Variants in GRM1 observed in about 807,000 individuals in gnomAD.
The protein encoded by GRM1 is glutamate metabotropic receptor 1.
Under a neutral mutation model 90.9 loss-of-function variants are expected in GRM1, and 33 were observed. That is an observed-to-expected ratio of 0.36 (90% CI 0.28 to 0.49). The LOEUF (loss-of-function observed/expected upper bound fraction) is 0.49. GRM1 is among the 20% of genes least tolerant of loss of function. The pLI, the probability that GRM1 is intolerant of heterozygous loss-of-function variation, is 0.99. For missense variants in GRM1, 1,190 were observed against 1,534.3 expected (o/e 0.78, Z 3.75); for synonymous variants, 700 against 613.2 (o/e 1.14, Z -2.09).
chr6:146,105,499 C>T (rs1469505143), intron 1 of GRM1, among the ~76,000 whole-genome samples: 1 of 150,018 alleles, frequency 6.7e-6, no homozygotes, highest in Admixed American at 6.6e-5. Context: ...TTTGAATAAA[C>T]TTTGTTCATA....
intron 2 of GRM1, among the ~76,000 whole-genome samples, chr6:146,202,059 C>T (rs539248205): frequency 1.3e-5 from 2 of 152,304 alleles, no homozygotes; most frequent in African/African-American, 4.8e-5. Context: ...ATAAGTGGGA[C>T]TCTGATAGCC....
intron 1 of GRM1, among the ~76,000 whole-genome samples, chr6:146,031,727 A>C (rs1790714779): frequency 6.6e-6 from 1 of 152,152 alleles, no homozygotes; most frequent in Admixed American, 6.5e-5. Context: ...TTAATATTTA[A>C]CTTTACTACA....
At chr6:146,265,473 G>A (rs1016702639) in intron 2 of GRM1, among the ~76,000 whole-genome samples, 1 of 152,144 alleles carries the variant, frequency 6.6e-6, no homozygotes, top group Admixed American at 6.5e-5. Flanking sequence ...CTCCCATTCT[G>A]TAGGTTGTCT....
intron 2 of GRM1, among the ~76,000 whole-genome samples, chr6:146,263,351 C>A (rs1781766707): frequency 6.6e-6 from 1 of 151,756 alleles, no homozygotes; most frequent in Non-Finnish European, 1.5e-5. Flanking sequence ...AGTATGATTG[C>A]AGTTTTGTAA....
intron 2 of GRM1, among the ~76,000 whole-genome samples, chr6:146,294,328 T>C (rs1783100818): frequency 6.6e-6 from 1 of 152,046 alleles, no homozygotes; most frequent in African/African-American, 2.4e-5. Flanking sequence ...ATGACTTCTT[T>C]AACTTCAATT....
At chr6:146,204,125 T>C (rs997920334) in intron 2 of GRM1, among the ~76,000 whole-genome samples, 9 of 152,346 alleles carry the variant, frequency 5.9e-5, no homozygotes, top group Non-Finnish European at 1.0e-4. Context: ...CAGTCTTCTC[T>C]CTAGCTTTAT....
chr6:146,330,004 C>A (rs985237244), intron 3 of GRM1, among the ~76,000 whole-genome samples: 6 of 152,126 alleles, frequency 3.9e-5, no homozygotes, highest in Admixed American at 3.9e-4. Flanking sequence ...TACTGACAGG[C>A]CTAACATGCC....
intron 2 of GRM1, among the ~76,000 whole-genome samples, chr6:146,303,778 G>T (rs926113061): frequency 1.3e-5 from 2 of 152,090 alleles, no homozygotes; most frequent in East Asian, 3.9e-4. Flanking sequence ...CTCATATGTT[G>T]TAATAGTCTT....
chr6:146,163,186 A>G (rs1777798497), intron 2 of GRM1, among the ~76,000 whole-genome samples: 1 of 152,164 alleles, frequency 6.6e-6, no homozygotes, highest in Admixed American at 6.6e-5. Context: ...GGGGAGAATC[A>G]AACCTTTGAC....
intron 1 of GRM1, among the ~76,000 whole-genome samples, chr6:146,109,201 T>C (rs1775446749): frequency 1.3e-5 from 2 of 151,966 alleles, no homozygotes. Context: ...TGTCAGAGGT[T>C]TTTATGGCAG....
At chr6:146,393,547 T>A (rs993701346) in intron 6 of GRM1, among the ~76,000 whole-genome samples, 1 of 152,128 alleles carries the variant, frequency 6.6e-6, no homozygotes, top group African/African-American at 2.4e-5. Flanking sequence ...ATCCCACTTG[T>A]CAATTTTGGC....
At chr6:146,433,782 C>T (rs565477646) in intron 7 of GRM1, 90 bp from the exon 8 acceptor site, 2 of 932,216 alleles carry the variant, frequency 2.1e-6, no homozygotes, top group Admixed American at 3.9e-5. Context: ...AGTTAAATCA[C>T]ACTGAGCTAG....
intron 5 of GRM1, among the ~76,000 whole-genome samples, chr6:146,376,429 C>T (rs1776100807): frequency 6.6e-6 from 1 of 152,084 alleles, no homozygotes; most frequent in Non-Finnish European, 1.5e-5. Flanking sequence ...GATGGAAGTA[C>T]TCCCTTAAGT....
intron 2 of GRM1, among the ~76,000 whole-genome samples, chr6:146,288,278 G>C (rs1192511070): frequency 6.6e-6 from 1 of 152,124 alleles, no homozygotes; most frequent in Non-Finnish European, 1.5e-5. Context: ...GGCAATGCTG[G>C]AGAGGGTACA....
intron 5 of GRM1, among the ~76,000 whole-genome samples, chr6:146,366,323 T>C (rs997245024): frequency 6.6e-6 from 1 of 152,212 alleles, no homozygotes; most frequent in Non-Finnish European, 1.5e-5. Context: ...CTCAAATATT[T>C]ATCATTTCTT....
At chr6:146,170,755 A>G (rs1778089011) in intron 2 of GRM1, among the ~76,000 whole-genome samples, 2 of 151,988 alleles carry the variant, frequency 1.3e-5, no homozygotes, top group African/African-American at 4.8e-5. Context: ...AGACTTTGTT[A>G]TAGCTGACAT....
chr6:146,249,203 C>T (rs1781183709), intron 2 of GRM1, among the ~76,000 whole-genome samples: 1 of 152,124 alleles, frequency 6.6e-6, no homozygotes, highest in African/African-American at 2.4e-5. Flanking sequence ...GAATTTAAGC[C>T]TGCTGCAGAA....
rs562957835 is a variant in GRM1, at chr6:146,074,573, T to C, written c.700+44356T>C. On this transcript the variant is annotated intron_variant, in intron 1 of 7. Coordinates refer to ENST00000282753, the MANE Select transcript of GRM1 (RefSeq NM_001278064.2). ...TGAGCATTTCTCCTGTGCCCAGGAT[T>C]GCAGTCACCTTTGGCTTGGGTAGCC... Among the ~76,000 whole-genome samples the C allele has an allele frequency of 2.0e-5, 3 of 152,314 alleles. No homozygotes were observed. The South Asian group carries it at 6.2e-4, about 32-fold the overall frequency.
At chr6:146,142,409 G>T (rs1776913687) in intron 1 of GRM1, among the ~76,000 whole-genome samples, 1 of 152,066 alleles carries the variant, frequency 6.6e-6, no homozygotes. Context: ...CTACTACTTG[G>T]CTACTGCCTA....
Sources: gnomAD v4.1 joint callset for allele counts (sites outside exome capture counted in the v4.1 genomes callset) on GRCh38, gnomAD v4.1.1 for gene constraint, MANE v1.5 for transcripts, NCBI Gene and HGNC (gene_info 2026-07-23, HGNC 2026-07-21) for gene names.